KLHL31: variants seen among roughly 807,000 people sequenced by gnomAD.
KLHL31 encodes kelch like family member 31.
In KLHL31, 32 loss-of-function variants were observed where a neutral mutation model predicts 47.1. The ratio of observed to expected loss-of-function variants is 0.68; its 90% CI spans 0.51 to 0.91. The LOEUF (loss-of-function observed/expected upper bound fraction) is 0.91, where lower values mean the gene tolerates loss of function less well. Among genes scored for constraint, KLHL31 ranks in the 40% least tolerant of loss-of-function variants. The pLI is 0.00. For synonymous variants in KLHL31, 330 were observed against 325.1 expected (o/e 1.01, Z -0.16); for missense variants, 797 against 819.3 (o/e 0.97, Z 0.33).
At position 53,665,684 on chromosome 6, in the gene KLHL31, G is replaced by C. The variant is rs1216460495; in HGVS notation, c.-117C>G. Reference sequence around the variant, plus strand: ...TCTTGGGAAGGGATCTGTGGAGATAGAGAGAGGGAGAAGGAAAATCCGGTG... The same window carrying C: ...TCTTGGGAAGGGATCTGTGGAGATACAGAGAGGGAGAAGGAAAATCCGGTG... On this transcript the variant is annotated 5_prime_UTR_variant, in exon 1 of 3. Transcript: ENST00000370905. 6 of 152,134 alleles carry C rather than the reference G, an allele frequency of 3.9e-5. No homozygotes were observed. The highest frequency in any genetic ancestry group is 8.8e-5 in the Non-Finnish European group (6 of 68,140). 9.4% of individuals were successfully genotyped at this position (152,134 alleles called of 1,614,324 possible).
At chr6:53,653,041 A>AC (rs1554164764) in intron 2 of KLHL31, among the ~76,000 whole-genome samples, 1 of 133,584 alleles carries the variant, frequency 7.5e-6, no homozygotes. Context: ...ATAAATATAT[A>AC]TTTTTTTCAG....
At chr6:53,663,775 G>T (rs1356234726) in intron 1 of KLHL31, among the ~76,000 whole-genome samples, 4 of 152,096 alleles carry the variant, frequency 2.6e-5, no homozygotes, top group Non-Finnish European at 5.9e-5. Flanking sequence ...TTTGTGTGTT[G>T]GAGGGAGAGG....
rs1764533987 is a variant in KLHL31, at chr6:53,654,884, G to A, written c.389C>T (p.Thr130Ile). 6.2e-7 allele frequency: 1 copy of A among 1,614,174 alleles called. No individual in the cohort carries two copies. The highest frequency in any genetic ancestry group is 8.5e-7 in the Non-Finnish European group (1 of 1,180,000). ...ATACAAGGAGAGAGTGAGCTTTCCA[G>A]TGTAGGCATATGCAATGACAGTGGC... is the stretch of plus-strand genomic sequence containing the variant. Reference protein sequence around the residue: ...GLATVIAYAYTGKLTLSLYTI... With the variant: ...GLATVIAYAYIGKLTLSLYTI... The change falls in exon 2 of 3, where the codon ACT (threonine) becomes ATT (isoleucine). Residue 130 changes from threonine (T) to isoleucine (I), a missense_variant. Thr to Ile is a moderately conservative substitution (Grantham distance 89). Coordinates refer to ENST00000370905, the MANE Select transcript of KLHL31 (RefSeq NM_001003760.5).
At position 53,651,093 on chromosome 6, in the gene KLHL31, A is replaced by T. The variant is rs964446172; in HGVS notation, c.*505T>A. ...TGGGGGGAAAATTGCGTTGAAATAC[A>T]GAATTAAATCTTAAGTCTTTATGGA... is the stretch of plus-strand genomic sequence containing the variant. On this transcript the variant is annotated 3_prime_UTR_variant, in exon 3 of 3. Coordinates refer to ENST00000370905, the MANE Select transcript of KLHL31 (RefSeq NM_001003760.5). The T allele has an allele frequency of 1.3e-5, 2 of 152,316 alleles. No individual in the cohort carries two copies. The highest frequency in any genetic ancestry group is 4.8e-5 in the African/African-American group (2 of 41,450). The allele number at this position is 152,316 out of a possible 1,614,324, so 9.4% of individuals were successfully genotyped here.
chr6:53,652,714 C>T (rs778289093), intron 2 of KLHL31, among the ~76,000 whole-genome samples: 1 of 152,146 alleles, frequency 6.6e-6, no homozygotes, highest in Admixed American at 6.5e-5. Context: ...TTGTGACGAT[C>T]AGAGGAGTGG....
At chr6:53,652,449 C>T in intron 2 of KLHL31, 119 bp from the exon 3 acceptor site, 1 of 1,215,614 alleles carries the variant, frequency 8.2e-7, no homozygotes, top group Non-Finnish European at 1.2e-6. Flanking sequence ...AGGGACCTGG[C>T]CCAGCACCTC....
intron 1 of KLHL31, among the ~76,000 whole-genome samples, chr6:53,663,137 A>G (rs1015515640): frequency 2.6e-5 from 4 of 152,188 alleles, no homozygotes; most frequent in African/African-American, 9.7e-5. Flanking sequence ...GTGCTGGGGC[A>G]AAATTCAAAC....
intron 1 of KLHL31, among the ~76,000 whole-genome samples, chr6:53,664,052 C>T (rs1764684176): frequency 6.6e-6 from 1 of 152,148 alleles, no homozygotes. Context: ...GTAATATGGC[C>T]TTCCATATCT....
Position 53,650,948 on chromosome 6 carries a change from C to G in KLHL31, c.*650G>C, listed in dbSNP as rs1764454061. ...GGAGGAAGAGGAATGTCCGCTAACA[C>G]AAAGGTTATCAAATTTAGGGTCCCT... On this transcript the variant is annotated 3_prime_UTR_variant, in exon 3 of 3. Transcript: ENST00000370905. The G allele has an allele frequency of 6.6e-6, 1 of 152,148 alleles. No individual in the cohort carries two copies. The highest frequency in any genetic ancestry group is 2.4e-5 in the African/African-American group (1 of 41,434). 9.4% of individuals were successfully genotyped at this position (152,148 alleles called of 1,614,324 possible).
chr6:53,657,654 G>T (rs536122496), intron 1 of KLHL31, among the ~76,000 whole-genome samples: 113 of 140,138 alleles, frequency 8.1e-4, no homozygotes, highest in Non-Finnish European at 1.4e-3. Context: ...GTGTGTGTGT[G>T]TTTTAAATCC....
chr6:53,653,340 A>G (rs1764504113), intron 2 of KLHL31, among the ~76,000 whole-genome samples: 1 of 152,194 alleles, frequency 6.6e-6, no homozygotes, highest in Non-Finnish European at 1.5e-5. Flanking sequence ...AATAAAGTAT[A>G]TTTTTCATGA....
intron 1 of KLHL31, among the ~76,000 whole-genome samples, chr6:53,659,806 A>T (rs1480065937): frequency 1.3e-5 from 2 of 152,172 alleles, no homozygotes; most frequent in African/African-American, 2.4e-5. Context: ...AGGAAGAGAG[A>T]GTGCAACTTG....
At position 53,649,247 on chromosome 6, in the gene KLHL31, C is replaced by T. The variant is rs1035208044; in HGVS notation, c.*2351G>A. The stretch of plus-strand genomic sequence containing the variant: ...GATATGAAACTTTCACCGACCCTTA[C>T]ATTCCATACTCCTCGCCAATGTGTT... On this transcript the variant is annotated 3_prime_UTR_variant, in exon 3 of 3. Transcript: ENST00000370905. The T allele has an allele frequency of 1.3e-5, 2 of 152,250 alleles. No homozygotes were observed. Among genetic ancestry groups the T allele is most frequent in the Admixed American group, 1.3e-4 (2 of 15,296 alleles). The allele number at this position is 152,250 out of a possible 1,614,324, so 9.4% of individuals were successfully genotyped here.
chr6:53,653,502 T>C (rs1764506454), intron 2 of KLHL31, among the ~76,000 whole-genome samples: 1 of 152,214 alleles, frequency 6.6e-6, no homozygotes, highest in African/African-American at 2.4e-5. Flanking sequence ...TTGAATTCCA[T>C]TTTTCTGAAG....
chr6:53,652,656 A>G (rs1003672702), intron 2 of KLHL31, among the ~76,000 whole-genome samples: 1 of 152,126 alleles, frequency 6.6e-6, no homozygotes, highest in African/African-American at 2.4e-5. Context: ...TCAAATATCT[A>G]TCATCCAGTG....
rs367668556 is a variant in KLHL31, at chr6:53,655,262, T to C, written c.11A>G (p.Lys4Arg). MAP[K>R]KKIVKKNKGD... is the part of the protein sequence containing the mutation. ...TTTGTTCTTTTTGACAATCTTCTTTTTGGGTGCCATGTTGGCAAATACACT... is the reference window on the plus strand; with the variant it reads ...TTTGTTCTTTTTGACAATCTTCTTTCTGGGTGCCATGTTGGCAAATACACT... The change falls in exon 2 of 3, where the codon AAA (lysine) becomes AGA (arginine). Residue 4 changes from lysine (K) to arginine (R), a missense_variant. Transcript: ENST00000370905. 7.0e-6 allele frequency: 11 copies of C among 1,562,612 alleles called. No homozygotes were observed. Among genetic ancestry groups the C allele is most frequent in the Admixed American group, 6.0e-5 (3 of 49,822 alleles).
Position 53,655,251 on chromosome 6 carries a change from C to A in KLHL31, c.22G>T (p.Val8Phe), listed in dbSNP as rs775403669. 7 of 1,569,474 alleles carry A rather than the reference C, an allele frequency of 4.5e-6. No individual in the cohort carries two copies. The African/African-American group carries it at 6.9e-5, about 15-fold the overall frequency. The change falls in exon 2 of 3, where the codon GTC (valine) becomes TTC (phenylalanine). Residue 8 changes from valine to phenylalanine, a missense_variant. Transcript: ENST00000370905. MAPKKKI[V>F]KKNKGDINEM... Reference sequence around the variant, plus strand: ...TTGATATCTCCTTTGTTCTTTTTGACAATCTTCTTTTTGGGTGCCATGTTG... The same window carrying A: ...TTGATATCTCCTTTGTTCTTTTTGAAAATCTTCTTTTTGGGTGCCATGTTG...
rs767172072 is a variant in KLHL31 at position 53,652,038 on chromosome 6, CCGGGT to C, written c.1460_1464del (p.Asp487GlyfsTer168). The C allele has an allele frequency of 7.5e-6, 12 of 1,592,630 alleles. No homozygotes were observed. Among genetic ancestry groups the C allele is most frequent in the African/African-American group, 2.7e-5 (2 of 74,736 alleles). On this transcript the variant is annotated frameshift_variant, in exon 3 of 3. Coordinates refer to ENST00000370905, the MANE Select transcript of KLHL31 (RefSeq NM_001003760.5). LOFTEE classifies it high-confidence loss of function. ...GGCAGCTCCTGCCACGAGTCGCTGG[CCGGGT>C]CGTAGGCGCACACAGAGCGCGAGTA...
chr6:53,652,105 G>A lies in KLHL31; in HGVS notation c.1398C>T (p.Gly466=). The part of the protein sequence containing the change: ...RCCHASAVAD[G]RVLVTGGYIA... Reference sequence around the variant, plus strand: ...TGTAGCCTCCGGTCACCAGCACGCGGCCGTCGGCGACCGCGCTAGCGTGGC... The same window carrying A: ...TGTAGCCTCCGGTCACCAGCACGCGACCGTCGGCGACCGCGCTAGCGTGGC... Residue 466 remains glycine, a synonymous_variant, in exon 3 of 3, where the codon GGC becomes GGT. Transcript: ENST00000370905. 1 of 1,600,088 alleles carries A rather than the reference G, an allele frequency of 6.2e-7. No individual in the cohort carries two copies. Among genetic ancestry groups the A allele is most frequent in the East Asian group, 2.2e-5 (1 of 44,776 alleles).
Sources: allele counts gnomAD v4.1 joint callset (sites outside exome capture counted in the v4.1 genomes callset), GRCh38; gene constraint gnomAD v4.1.1; transcripts MANE v1.5; gene names NCBI Gene and HGNC (gene_info 2026-07-23, HGNC 2026-07-21).